INTS4: variants seen among roughly 807,000 people sequenced by gnomAD.
The protein encoded by INTS4 is MSTP093.
INTS4 carries 70 observed loss-of-function variants against 119.5 expected under a neutral mutation model. The observed-to-expected ratio is 0.59, with a 90% CI of 0.48 to 0.71. The LOEUF is 0.71. Among genes scored for constraint, INTS4 ranks in the 30% least tolerant of loss-of-function variants. The pLI is 0.00. For synonymous variants in INTS4, 316 were observed against 419.6 expected, an observed-to-expected ratio of 0.75 and a Z score of 3.02; for missense variants, 867 against 1,173.2, an observed-to-expected ratio of 0.74 and a Z score of 3.81.
intron 8 of INTS4, among the ~76,000 whole-genome samples, chr11:77,943,278 C>T (rs1953972048): frequency 6.6e-6 from 1 of 152,192 alleles, no homozygotes; most frequent in South Asian, 2.1e-4. Flanking sequence ...TTTTCAATGT[C>T]ACCTAAGAAT....
At chr11:77,969,094 C>T (rs767767780) in intron 4 of INTS4, among the ~76,000 whole-genome samples, 12 of 152,070 alleles carry the variant, frequency 7.9e-5, no homozygotes, top group South Asian at 2.1e-4. Flanking sequence ...CCACCACACC[C>T]GGCTAATTTT....
chr11:77,977,101 TAAAATA>T (rs1285087895), intron 4 of INTS4, among the ~76,000 whole-genome samples: 1 of 151,920 alleles, frequency 6.6e-6, no homozygotes, highest in African/African-American at 2.4e-5. Flanking sequence ...AAGAATAAAA[TAAAATA>T]AAAATAAAAA....
At chr11:77,926,870 GAA>G (rs1953518350) in intron 11 of INTS4, among the ~76,000 whole-genome samples, 1 of 150,888 alleles carries the variant, frequency 6.6e-6, no homozygotes. Context: ...GAAAAGAAAA[GAA>G]AAGTCAAGAC....
chr11:77,920,244 T>TACATAC (rs1276327960), intron 14 of INTS4, among the ~76,000 whole-genome samples: 3 of 71,374 alleles, frequency 4.2e-5, no homozygotes, highest in Admixed American at 1.4e-4. Flanking sequence ...TATATACATA[T>TACATAC]ATATACATAT....
chr11:77,879,200 G>A, intron 22 of INTS4, 73 bp from the exon 23 acceptor site: 2 of 1,532,370 alleles, frequency 1.3e-6, no homozygotes, highest in Non-Finnish European at 1.8e-6. Context: ...TGAAGTTAAA[G>A]AAATATCAAA....
chr11:77,888,185 T>C (rs1370955123), intron 21 of INTS4, among the ~76,000 whole-genome samples: 4 of 152,162 alleles, frequency 2.6e-5, no homozygotes, highest in African/African-American at 7.2e-5. Context: ...ACTACAAGCC[T>C]ACAGTAACCA....
rs1361820942 is a variant in INTS4 at position 77,986,354 on chromosome 11, G to A, written c.246+4754C>T. Reference sequence around the variant, plus strand: ...GTCAGGCAACAACAGATGCTGGAGAGGATGTGGAGAAATAGGAACACTTTT... The same window carrying A: ...GTCAGGCAACAACAGATGCTGGAGAAGATGTGGAGAAATAGGAACACTTTT... On this transcript the variant is annotated intron_variant, in intron 2 of 22. Coordinates refer to ENST00000534064, the MANE Select transcript of INTS4 (RefSeq NM_033547.4). Among the ~76,000 whole-genome samples the A allele has an allele frequency of 2.0e-5, 3 of 152,180 alleles. No individual in the cohort carries two copies. In the South Asian group the frequency reaches 6.2e-4, roughly 32 times the overall value.
At chr11:77,977,744 A>C (rs183193121) in intron 4 of INTS4, 1 of 151,608 alleles carries the variant, frequency 6.6e-6, no homozygotes, top group Non-Finnish European at 1.5e-5. Context: ...TTTAAGAAAC[A>C]GTTACTGCAG....
Position 77,991,247 on chromosome 11 carries a change from G to C in INTS4, c.107C>G (p.Ser36Cys). Reference protein sequence around the residue: ...KKLRLTKPSKSAALHIDLCKA... With the variant: ...KKLRLTKPSKCAALHIDLCKA... ...ACACAGATCTATGTGGAGTGCTGCA[G>C]ATTTACTTGGTTTTGTTAGTCGGAG... Residue 36 changes from serine (S) to cysteine (C), a missense_variant, in exon 2 of 23, where the codon TCT becomes TGT. By Grantham distance (112) the Ser-to-Cys change is moderately radical (BLOSUM62 -1). Around this residue, in one of 5 missense-constraint regions of INTS4, gnomAD observed 224 missense variants for 231.8 expected, o/e 0.97. Transcript: ENST00000534064. The C allele has an allele frequency of 6.2e-7, 1 of 1,614,078 alleles. No individual in the cohort carries two copies. The highest frequency in any genetic ancestry group is 1.1e-5 in the South Asian group (1 of 91,072).
At chr11:77,922,873 T>A (rs1193318070) in intron 12 of INTS4, 1 of 303,376 alleles carries the variant, frequency 3.3e-6, no homozygotes, top group Non-Finnish European at 6.3e-6. Context: ...GGTGGGCAAG[T>A]AAGCCAGTTC....
chr11:77,979,169 T>G (rs1856085637), intron 3 of INTS4, 67 bp from the exon 4 acceptor site: 1 of 890,648 alleles, frequency 1.1e-6, no homozygotes, highest in East Asian at 2.5e-5. Context: ...ACTAATTTAC[T>G]TGGGTAAAGA....
intron 16 of INTS4, 147 bp from the exon 17 acceptor site, chr11:77,903,767 T>C: frequency 1.6e-6 from 1 of 644,628 alleles, no homozygotes. Flanking sequence ...ATAAGCTGTA[T>C]CTATTATGGA....
chr11:77,897,262 G>T (rs1278903581), intron 18 of INTS4, among the ~76,000 whole-genome samples: 1 of 151,724 alleles, frequency 6.6e-6, no homozygotes, highest in African/African-American at 2.4e-5. Context: ...GGGAGGCCGA[G>T]GTGGAAGGAC....
At chr11:77,991,656 G>A (rs934486817) in intron 1 of INTS4, among the ~76,000 whole-genome samples, 12 of 151,684 alleles carry the variant, frequency 7.9e-5, no homozygotes, top group Admixed American at 2.0e-4. Context: ...CCAAAGTGCT[G>A]GGATTACAAG....
chr11:77,881,219 GAGACAGGGAAGTA>G lies in INTS4; in HGVS notation c.2714-2105_2714-2093del, dbSNP rs1951780357. Among the ~76,000 whole-genome samples, 2 of 152,170 alleles carry G rather than the reference GAGACAGGGAAGTA, an allele frequency of 1.3e-5. 1 individual carries two copies. Among genetic ancestry groups the G allele is most frequent in the South Asian group, 4.1e-4 (2 of 4,826 alleles). On this transcript the variant is annotated intron_variant, in intron 22 of 22. Transcript: ENST00000534064. ...TTTATATTCTTATTCTCATCTTAAT[GAGACAGGGAAGTA>G]AAATAACTTTCTCAGGATCACACAG...
chr11:77,889,519 A>C (rs1952171309), intron 21 of INTS4, among the ~76,000 whole-genome samples: 1 of 152,218 alleles, frequency 6.6e-6, no homozygotes. Flanking sequence ...CACATTGTGC[A>C]CATGTACCCT....
chr11:77,979,127 C>T, intron 3 of INTS4, 25 bp from the exon 4 acceptor site: 1 of 1,470,762 alleles, frequency 6.8e-7, no homozygotes, highest in African/African-American at 1.4e-5. Context: ...AGAAAGTTGG[C>T]TTGTAGAATT....
In INTS4 at chr11:77,918,822, T is replaced by C; in HGVS notation, c.1921A>G (p.Arg641Gly). The part of the protein sequence containing the change: ...GAQELLEFTI[R>G]DLQRLGELQS... ...CAGATGAAGGGATGATTACCCTACC[T>C]GATGGTGAATTCCAGCAGCTCCTGG... Residue 641 changes from arginine (R) to glycine (G), a missense_variant and splice_region_variant, in exon 15 of 23, where the codon AGG (arginine) becomes GGG (glycine). Physicochemically the swap from Arg to Gly is moderately radical, Grantham distance 125 (BLOSUM62 -2). Transcript: ENST00000534064. The C allele has an allele frequency of 6.2e-7, 1 of 1,613,082 alleles. No homozygotes were observed.
At chr11:77,949,127 A>G (rs1242692421) in intron 8 of INTS4, among the ~76,000 whole-genome samples, 1 of 152,208 alleles carries the variant, frequency 6.6e-6, no homozygotes, top group African/African-American at 2.4e-5. Flanking sequence ...AAAGAAGAAA[A>G]TAAAAAAAGA....
Sources: gnomAD v4.1 joint callset for allele counts (sites outside exome capture counted in the v4.1 genomes callset) on GRCh38, gnomAD v4.1.1 for gene constraint, gnomAD v4.1.1 regional missense constraint, MANE v1.5 for transcripts, NCBI Gene and HGNC (gene_info 2026-07-23, HGNC 2026-07-21) for gene names.